The following CTNNA2 variants were observed in gnomAD, a reference collection of about 807,000 sequenced individuals.
CTNNA2 encodes catenin alpha 2.
In CTNNA2, 42 loss-of-function variants were observed where a neutral mutation model predicts 101.0. That is an observed-to-expected ratio of 0.42 (90% CI 0.32 to 0.54). The LOEUF (loss-of-function observed/expected upper bound fraction) is 0.54. CTNNA2 is among the 20% of genes least tolerant of loss of function. The pLI, the probability that CTNNA2 is intolerant of heterozygous loss-of-function variation, is 0.14. For missense variants in CTNNA2, 871 were observed against 1,223.1 expected (o/e 0.71, Z 4.29); for synonymous variants, 450 against 456.4 (o/e 0.99, Z 0.18).
chr2:79,259,069 C>A lies in CTNNA2; in HGVS notation c.-405-53640C>A, dbSNP rs537011788. On this transcript the variant is annotated intron_variant, in intron 2 of 21. Transcript: ENST00000466387. ...ACAGAGCTATCTAAACTGACAAGTC[C>A]TAAGTTTAAGAACTGGGGAAGAGTG... Among the ~76,000 whole-genome samples the A allele has an allele frequency of 3.3e-4, 50 of 152,186 alleles. No individual in the cohort carries two copies. The South Asian group carries it at 0.01, about 32-fold the overall frequency.
intron 7 of CTNNA2, among the ~76,000 whole-genome samples, chr2:79,989,645 AAAC>A (rs558485089): frequency 1.3e-5 from 2 of 152,060 alleles, no homozygotes; most frequent in African/African-American, 2.4e-5. Flanking sequence ...TGCCTCAAAT[AAAC>A]AACAACAACA....
intron 8 of CTNNA2, among the ~76,000 whole-genome samples, chr2:80,413,237 G>T (rs1454111121): frequency 6.6e-6 from 1 of 152,140 alleles, no homozygotes; most frequent in Non-Finnish European, 1.5e-5. Context: ...AGACCTGAAT[G>T]AATTTGGTGG....
chr2:80,303,258 T>G lies in CTNNA2; in HGVS notation c.1057-89953T>G, dbSNP rs1273457719. The G allele has an allele frequency of 2.5e-6, 4 of 1,613,600 alleles. No individual in the cohort carries two copies. Among genetic ancestry groups the G allele is most frequent in the Non-Finnish European group, 3.4e-6 (4 of 1,179,984 alleles). On this transcript the variant is annotated intron_variant, in intron 7 of 18. Coordinates refer to ENST00000402739, the MANE Select transcript of CTNNA2 (RefSeq NM_001282597.3). The surrounding 1 kb of genome is among the most constrained non-coding windows in gnomAD (Gnocchi z 7.7). ...TGATTGTATCCGATGTCGAGAAACT[T>G]GAGGCTGCGGCAGTCCTGGAAGATG...
At chr2:79,554,941 T>A (rs989686375) in intron 1 of CTNNA2, among the ~76,000 whole-genome samples, 8 of 152,190 alleles carry the variant, frequency 5.3e-5, no homozygotes, top group African/African-American at 1.9e-4. Context: ...TATCAGGATA[T>A]TTTAAATGCC....
chr2:79,497,749 CTCCTTTTGT>C (rs1217608823), intron 4 of CTNNA2, among the ~76,000 whole-genome samples: 28 of 152,216 alleles, frequency 1.8e-4, no homozygotes, highest in Admixed American at 1.8e-3. Flanking sequence ...AATTACTACT[CTCCTTTTGT>C]TTCGTCTAAG....
chr2:80,540,442 C>T (rs1268692781), intron 9 of CTNNA2, among the ~76,000 whole-genome samples: 1 of 151,854 alleles, frequency 6.6e-6, no homozygotes, highest in Admixed American at 6.6e-5. Context: ...ACTAAAAATA[C>T]AAAAATTAGC....
chr2:79,229,286 G>T (rs1055817038), intron 2 of CTNNA2, among the ~76,000 whole-genome samples: 1 of 152,152 alleles, frequency 6.6e-6, no homozygotes, highest in Admixed American at 6.5e-5. Flanking sequence ...AACTTGAATT[G>T]TATCTCCCAG....
At chr2:79,796,554 A>G (rs952800783) in intron 3 of CTNNA2, among the ~76,000 whole-genome samples, 1 of 152,212 alleles carries the variant, frequency 6.6e-6, no homozygotes, top group Non-Finnish European at 1.5e-5. Context: ...AGCGGGGCAT[A>G]CAACCAGATT....
chr2:80,205,593 G>A lies in CTNNA2; in HGVS notation c.1057-187618G>A, dbSNP rs77491206. 3.2e-3 allele frequency among the ~76,000 whole-genome samples: 487 copies of A among 152,284 alleles called. 4 individuals are homozygous for A. The highest frequency in any genetic ancestry group is 0.011 in the African/African-American group (463 of 41,562). On this transcript the variant is annotated intron_variant, in intron 7 of 18. Transcript: ENST00000402739. ...CTTTAGCAGGAATATATTTCAATCA[G>A]CAAATGACCACACACATTTAACACT...
intron 2 of CTNNA2, among the ~76,000 whole-genome samples, chr2:79,228,760 G>T (rs904881867): frequency 1.3e-5 from 2 of 151,806 alleles, no homozygotes; most frequent in African/African-American, 2.4e-5. Context: ...GTTGAATTAG[G>T]TTCCACTTAT....
At chr2:80,516,167 G>A (rs1014426341) in intron 9 of CTNNA2, among the ~76,000 whole-genome samples, 1 of 152,182 alleles carries the variant, frequency 6.6e-6, no homozygotes, top group Non-Finnish European at 1.5e-5. Context: ...GCTCAGGAAA[G>A]CCTTTGTGTC....
rs193080536 is a variant in CTNNA2, at chr2:79,782,983, T to C, written c.298+38401T>C. On this transcript the variant is annotated intron_variant, in intron 3 of 18. Transcript: ENST00000402739. ...TTGACAGTCTTTTTTTTTTTTGTCT[T>C]CTGCCAGTTTTCCTCCCCCTTTCTA... 2.6e-4 allele frequency among the ~76,000 whole-genome samples: 39 copies of C among 152,102 alleles called. No individual in the cohort carries two copies. The East Asian group carries it at 6.6e-3, about 26-fold the overall frequency.
At chr2:80,509,407 A>T (rs1688526826) in intron 9 of CTNNA2, among the ~76,000 whole-genome samples, 1 of 152,142 alleles carries the variant, frequency 6.6e-6, no homozygotes, top group Admixed American at 6.6e-5. Context: ...GACAATGCTG[A>T]TACACCATGA....
chr2:80,377,961 G>A (rs1247928064), intron 7 of CTNNA2, among the ~76,000 whole-genome samples: 1 of 152,180 alleles, frequency 6.6e-6, no homozygotes, highest in Non-Finnish European at 1.5e-5. Flanking sequence ...TTGAGTACAA[G>A]GGAAACTCCT....
At chr2:80,589,598 G>C in intron 15 of CTNNA2, 113 bp downstream of exon 15, 1 of 966,718 alleles carries the variant, frequency 1.0e-6, no homozygotes, top group Non-Finnish European at 1.5e-6. Context: ...ACGCAAGGTG[G>C]TGGTATTATA....
chr2:80,105,087 G>A (rs1700795466), intron 7 of CTNNA2, among the ~76,000 whole-genome samples: 1 of 152,144 alleles, frequency 6.6e-6, no homozygotes, highest in East Asian at 1.9e-4. Context: ...ATTGTAATGG[G>A]ACCGTCAGGA....
intron 9 of CTNNA2, among the ~76,000 whole-genome samples, chr2:80,438,385 G>A (rs56154752): frequency 0.21 from 31,180 of 151,556 alleles, 4,419 homozygotes; most frequent in African/African-American, 0.4. Context: ...CACCCATAAC[G>A]ATGCCAAATG....
chr2:79,910,056 C>T (rs1297744744), intron 7 of CTNNA2, among the ~76,000 whole-genome samples: 4 of 152,026 alleles, frequency 2.6e-5, no homozygotes, highest in Admixed American at 1.3e-4. Flanking sequence ...GATTTCTTCT[C>T]GGTCATTTTA....
At chr2:79,568,747 C>T (rs1675273023) in intron 1 of CTNNA2, among the ~76,000 whole-genome samples, 1 of 150,724 alleles carries the variant, frequency 6.6e-6, no homozygotes, top group Non-Finnish European at 1.5e-5. Context: ...TAGGGCCAGG[C>T]ACGGTGGCTC....
Sources: allele counts gnomAD v4.1 joint callset (sites outside exome capture counted in the v4.1 genomes callset), GRCh38; gene constraint gnomAD v4.1.1; non-coding constraint Gnocchi (gnomAD v3.1); transcripts MANE v1.5; gene names NCBI Gene and HGNC (gene_info 2026-07-23, HGNC 2026-07-21).